ANO2: variants seen among roughly 807,000 people sequenced by gnomAD.
The protein encoded by ANO2 is anoctamin-2.
Under a neutral mutation model 124.2 loss-of-function variants are expected in ANO2, and 101 were observed. The ratio of observed to expected loss-of-function variants is 0.81; its 90% confidence interval spans 0.69 to 0.96. ANO2 has a LOEUF of 0.96. Ranked by LOEUF, ANO2 falls within the 40% of genes least tolerant of loss-of-function variation. The pLI, the probability that ANO2 is intolerant of heterozygous loss-of-function variation, is 0.00. For missense variants in ANO2, 1,293 were observed against 1,274.5 expected, an observed-to-expected ratio of 1.01 and a Z score of -0.22; for synonymous variants, 486 against 482.5, an observed-to-expected ratio of 1.01 and a Z score of -0.09.
intron 3 of ANO2, among the ~76,000 whole-genome samples, chr12:5,856,104 T>C (rs765820094): frequency 5.9e-5 from 9 of 152,062 alleles, no homozygotes; most frequent in Non-Finnish European, 1.3e-4. Context: ...TAAGTGAAAA[T>C]AAAGGGTAAG....
At chr12:5,667,584 C>T (rs1338933480) in intron 14 of ANO2, among the ~76,000 whole-genome samples, 4 of 152,036 alleles carry the variant, frequency 2.6e-5, no homozygotes, top group African/African-American at 9.7e-5. Flanking sequence ...ATGTGGAGGA[C>T]GTGCAGGTTT....
At chr12:5,603,515 G>T (rs1476440142) in intron 19 of ANO2, among the ~76,000 whole-genome samples, 2 of 152,192 alleles carry the variant, frequency 1.3e-5, no homozygotes, top group Non-Finnish European at 2.9e-5. Context: ...AAAGAGAAAG[G>T]TGGAGAGAGT....
rs569160528 is a variant in ANO2 at position 5,854,049 on chromosome 12, G to A, written c.627C>T (p.Thr209=). 7.4e-5 allele frequency: 120 copies of A among 1,612,864 alleles called. 3 individuals are homozygous for A. In the South Asian group the frequency reaches 1.3e-3, roughly 17 times the overall value. Reference sequence around the variant, plus strand: ...AGGAGAAACATGCTCATACTTTCTTGGTAGGAACTTTGATCTTCAAGAATT... The same window carrying A: ...AGGAGAAACATGCTCATACTTTCTTAGTAGGAACTTTGATCTTCAAGAATT... ...EAEFLKIKVP[T]KKMYEIKAGG... is the part of the protein sequence containing the mutation. Residue 209 remains threonine (T), a synonymous_variant, in exon 4 of 25, where the codon ACC becomes ACT. Transcript: ENST00000682330.
chr12:5,901,984 T>C (rs1940244512), intron 3 of ANO2, among the ~76,000 whole-genome samples: 1 of 152,224 alleles, frequency 6.6e-6, no homozygotes, highest in Non-Finnish European at 1.5e-5. Flanking sequence ...GGTTAGATCT[T>C]AGGAAGAACT....
intron 14 of ANO2, among the ~76,000 whole-genome samples, chr12:5,687,571 G>T: frequency 6.6e-6 from 1 of 152,242 alleles, no homozygotes. Context: ...CCTCTTGCAC[G>T]TTATGGATGA....
At position 5,922,650 on chromosome 12, in the gene ANO2, G is replaced by A. The variant is rs1312262980; in HGVS notation, c.177C>T (p.Pro59=). ...QGGSNRDPGQ[P]CGGESTRSSS... ...TGCTGCGGGTGCTCTCTCCACCGCAGGGCTGGCCAGGATCTCTGTTGGAAC... is the reference window on the plus strand; with the variant it reads ...TGCTGCGGGTGCTCTCTCCACCGCAAGGCTGGCCAGGATCTCTGTTGGAAC... The change falls in exon 2 of 25, where the codon CCC becomes CCT. Residue 59 remains proline (P), a synonymous_variant. Coordinates refer to ENST00000682330, the MANE Select transcript of ANO2 (RefSeq NM_001364791.2). 1 of 1,452,826 alleles carries A rather than the reference G, an allele frequency of 6.9e-7. No homozygotes were observed. Among genetic ancestry groups the A allele is most frequent in the Admixed American group, 2.1e-5 (1 of 48,358 alleles). The allele number at this position is 1,452,826 out of a possible 1,614,324, so 90.0% of individuals were successfully genotyped here.
In ANO2 at chr12:5,581,583, ACT is replaced by A. The variant is rs377223619; in HGVS notation, c.2234-3067_2234-3066del. ...ACCTTCACAAACTCTCCAGACATGGACTCTCTGGTGTCCCTCTTCTGTCAACG... is the reference window on the plus strand; with the variant it reads ...ACCTTCACAAACTCTCCAGACATGGACTCTGGTGTCCCTCTTCTGTCAACG... On this transcript the variant is annotated intron_variant, in intron 20 of 24. Transcript: ENST00000682330. Among the ~76,000 whole-genome samples the A allele has an allele frequency of 2.9e-3, 434 of 151,908 alleles. 2 individuals carry two copies. Among genetic ancestry groups the A allele is most frequent in the African/African-American group, 9.9e-3 (408 of 41,404 alleles).
chr12:5,740,698 T>C (rs1214404186), intron 12 of ANO2, among the ~76,000 whole-genome samples: 4 of 152,262 alleles, frequency 2.6e-5, no homozygotes, highest in East Asian at 1.9e-4. Context: ...CATTTGGGCA[T>C]TGAAGGAGTG....
At position 5,853,999 on chromosome 12, in the gene ANO2, C is replaced by G. The variant is rs193274780; in HGVS notation, c.633+44G>C. On this transcript the variant is annotated intron_variant, in intron 4 of 24. Transcript: ENST00000682330. ...CTATTCCCAAATTATTTGCATCCAT[C>G]CAGCCCTCAGGAGGCCCAGAACCCA... 3.4e-4 allele frequency: 526 copies of G among 1,546,010 alleles called. 1 individual carries two copies. The African/African-American group carries it at 5.8e-3, about 17-fold the overall frequency.
At chr12:5,610,552 T>C (rs984212892) in intron 19 of ANO2, among the ~76,000 whole-genome samples, 21 of 141,956 alleles carry the variant, frequency 1.5e-4, no homozygotes, top group African/African-American at 5.1e-4. Flanking sequence ...TTATGTTTTA[T>C]AAAATATATA....
chr12:5,764,645 T>C (rs540781819), intron 10 of ANO2, among the ~76,000 whole-genome samples: 19 of 152,332 alleles, frequency 1.2e-4, no homozygotes, highest in Admixed American at 4.6e-4. Context: ...GGACTACATA[T>C]GGCTACCCAT....
At chr12:5,624,109 G>C (rs1384284711) in intron 16 of ANO2, among the ~76,000 whole-genome samples, 1 of 152,288 alleles carries the variant, frequency 6.6e-6, no homozygotes. Flanking sequence ...CTCAGAGTCA[G>C]AAAGGTAACT....
chr12:5,640,280 T>TGA (rs1413109812), intron 15 of ANO2, among the ~76,000 whole-genome samples: 1 of 152,176 alleles, frequency 6.6e-6, no homozygotes, highest in Non-Finnish European at 1.5e-5. Context: ...AAGAAAGGAA[T>TGA]GAGATGAGAG....
chr12:5,921,208 C>A lies in ANO2; in HGVS notation c.366G>T (p.Ser122=), dbSNP rs764943502. The A allele has an allele frequency of 3.7e-6, 6 of 1,613,908 alleles. No individual in the cohort carries two copies. Among genetic ancestry groups the A allele is most frequent in the South Asian group, 1.1e-5 (1 of 91,060 alleles). The change falls in exon 3 of 25, where the codon TCG becomes TCT. Residue 122 remains serine (S), a synonymous_variant. Transcript: ENST00000682330. ...VHLAQGFPGH[S]LAIVSNGETG... is the part of the protein sequence containing the mutation. ...TCTCCCCATTGGAGACGATAGCCAGCGAGTGGCCAGGGAAGCCTTGGGCCA... is the reference window on the plus strand; with the variant it reads ...TCTCCCCATTGGAGACGATAGCCAGAGAGTGGCCAGGGAAGCCTTGGGCCA...
intron 19 of ANO2, among the ~76,000 whole-genome samples, chr12:5,603,944 C>CAAAAAAAAAAA (rs63415160): frequency 9.4e-5 from 7 of 74,130 alleles, no homozygotes; most frequent in Non-Finnish European, 1.6e-4. Context: ...GATTCCGTCT[C>CAAAAAAAAAAA]AAAAAAAAAA....
At chr12:5,737,518 A>ACGTGAG (rs1488737226) in intron 13 of ANO2, among the ~76,000 whole-genome samples, 1 of 152,236 alleles carries the variant, frequency 6.6e-6, no homozygotes, top group East Asian at 1.9e-4. Context: ...TAACAGCAAG[A>ACGTGAG]CGTGAGGGCT....
rs948510329 is a variant in ANO2, at chr12:5,919,135, G to A, written c.534+1905C>T. ...GTTATTCCAGGTGGCAATGCTGAGT[G>A]TGATGAAGAAAAGTAAGGCAGGATC... On this transcript the variant is annotated intron_variant, in intron 3 of 24. Transcript: ENST00000682330. Among the ~76,000 whole-genome samples the A allele has an allele frequency of 5.9e-5, 9 of 152,210 alleles. No individual in the cohort carries two copies. The East Asian group carries it at 1.5e-3, about 26-fold the overall frequency.
At chr12:5,888,439 TTC>T (rs1565751864) in intron 3 of ANO2, among the ~76,000 whole-genome samples, 1 of 152,212 alleles carries the variant, frequency 6.6e-6, no homozygotes, top group Non-Finnish European at 1.5e-5. Flanking sequence ...CCTGCTTTTA[TTC>T]TCTTATCTGG....
At chr12:5,829,734 G>A (rs564309080) in intron 6 of ANO2, among the ~76,000 whole-genome samples, 2 of 152,242 alleles carry the variant, frequency 1.3e-5, no homozygotes, top group East Asian at 1.9e-4. Context: ...TAAACTGATC[G>A]GTGAATGAAG....
Sources: allele counts gnomAD v4.1 joint callset (sites outside exome capture counted in the v4.1 genomes callset), GRCh38; gene constraint gnomAD v4.1.1; transcripts MANE v1.5; gene names NCBI Gene and HGNC (gene_info 2026-07-23, HGNC 2026-07-21).